Variants in ITK observed in about 807,000 individuals in gnomAD.
ITK encodes the protein IL2 inducible T cell kinase.
A neutral mutation model predicts 87.6 loss-of-function variants in ITK; 45 were observed. The observed-to-expected ratio is 0.51, with a 90% CI of 0.40 to 0.66. ITK has a LOEUF of 0.66. Among genes scored for constraint, ITK ranks in the 30% least tolerant of loss-of-function variants. The probability of loss-of-function intolerance (pLI) is 0.00; values close to 1 mark genes in which losing one functional copy is unlikely to be tolerated. For synonymous variants in ITK, 303 were observed against 273.6 expected, an observed-to-expected ratio of 1.11 and a Z score of -1.06; for missense variants, 605 against 766.3, an observed-to-expected ratio of 0.79 and a Z score of 2.48.
At chr5:157,244,200 T>C in intron 12 of ITK, 62 bp from the exon 13 acceptor site, 1 of 1,297,150 alleles carries the variant, frequency 7.7e-7, no homozygotes, top group South Asian at 1.2e-5. Context: ...GGTACCATAA[T>C]ATTTTCGGCA....
rs1336022439 is a variant in ITK, at chr5:157,236,270, A to G, written c.769-1839A>G. ...GGCACCTGTAATTCCAGCTACTTGGAAAGTTGAAGGAAGACAGTCACTTGA... is the reference window on the plus strand; with the variant it reads ...GGCACCTGTAATTCCAGCTACTTGGGAAGTTGAAGGAAGACAGTCACTTGA... On this transcript the variant is annotated intron_variant, in intron 8 of 16. Transcript: ENST00000422843. Among the ~76,000 whole-genome samples, 3 of 152,060 alleles carry G rather than the reference A, an allele frequency of 2.0e-5. No individual in the cohort carries two copies. The East Asian group carries it at 5.8e-4, about 29-fold the overall frequency.
chr5:157,238,152 G>A lies in ITK; in HGVS notation c.812G>A (p.Gly271Glu), dbSNP rs1255373100. The A allele has an allele frequency of 4.3e-6, 7 of 1,613,838 alleles. No individual in the cohort carries two copies. Among genetic ancestry groups the A allele is most frequent in the Non-Finnish European group, 5.9e-6 (7 of 1,179,858 alleles). ...AFMVRDSRTAGTYTVSVFTKA... is the reference protein window; with the variant it reads ...AFMVRDSRTAETYTVSVFTKA... Reference sequence around the variant, plus strand: ...ATGGTAAGGGATTCCAGGACTGCAGGAACATACACCGTGTCTGTTTTCACC... The same window carrying A: ...ATGGTAAGGGATTCCAGGACTGCAGAAACATACACCGTGTCTGTTTTCACC... The change falls in exon 9 of 17, where the codon GGA becomes GAA. Residue 271 changes from glycine (G) to glutamate (E), a missense_variant. Physicochemically the swap from Gly to Glu is moderately conservative, Grantham distance 98. Transcript: ENST00000422843.
chr5:157,241,576 A>T, intron 10 of ITK, 70 bp from the exon 11 acceptor site: 4 of 1,022,174 alleles, frequency 3.9e-6, no homozygotes, highest in Admixed American at 3.4e-5. Context: ...TATTTTTTTT[A>T]GTGATTTAAG....
At chr5:157,249,934 T>C (rs1012672559) in intron 16 of ITK, among the ~76,000 whole-genome samples, 22 of 152,238 alleles carry the variant, frequency 1.4e-4, no homozygotes, top group African/African-American at 5.3e-4. Flanking sequence ...TTTATTGATT[T>C]TTTTAAATTA....
chr5:157,189,045 C>T (rs1018941232), intron 1 of ITK, among the ~76,000 whole-genome samples: 3 of 152,094 alleles, frequency 2.0e-5, no homozygotes, highest in African/African-American at 7.2e-5. Context: ...ATGTTGCATT[C>T]AGAAAAGCAT....
intron 10 of ITK, chr5:157,240,912 TCTTTCTTTTC>T (rs1754879499): frequency 6.6e-6 from 1 of 151,820 alleles, no homozygotes; most frequent in Non-Finnish European, 1.5e-5. Context: ...TCTTTTCTTT[TCTTTCTTTTC>T]CTTTCTTTTC....
At chr5:157,181,376 T>C (rs1237933149) in intron 1 of ITK, among the ~76,000 whole-genome samples, 4 of 152,208 alleles carry the variant, frequency 2.6e-5, no homozygotes, top group African/African-American at 9.7e-5. Context: ...AGGTTATGTT[T>C]GGTTTTTAAA....
Position 157,231,704 on chromosome 5 carries a change from T to C in ITK, c.714-636T>C, listed in dbSNP as rs73814050. 8.8e-3 allele frequency among the ~76,000 whole-genome samples: 1,304 copies of C among 148,892 alleles called. 32 individuals carry two copies. Among genetic ancestry groups the C allele is most frequent in the African/African-American group, 0.031 (1,256 of 40,758 alleles). ...ATGTGGCTAAATATTGTTAACAACA[T>C]AAAAAAAAAACTTCATCCCTAAAAA... is the stretch of plus-strand genomic sequence containing the variant. On this transcript the variant is annotated intron_variant, in intron 7 of 16. Transcript: ENST00000422843.
At chr5:157,226,994 A>G (rs923072518) in intron 6 of ITK, among the ~76,000 whole-genome samples, 20 of 151,866 alleles carry the variant, frequency 1.3e-4, no homozygotes, top group Non-Finnish European at 4.4e-5. Context: ...TAATTTTTAT[A>G]TATTTTCTAG....
chr5:157,214,776 A>T (rs76999690), intron 4 of ITK, among the ~76,000 whole-genome samples: 1 of 152,202 alleles, frequency 6.6e-6, no homozygotes, highest in Non-Finnish European at 1.5e-5. Flanking sequence ...ATCATGTCAC[A>T]CATAAATTTA....
Position 157,181,083 on chromosome 5 carries a change from G to A in ITK, c.106G>A (p.Ala36Thr), listed in dbSNP as rs778189459. 1 of 1,614,104 alleles carries A rather than the reference G, an allele frequency of 6.2e-7. No individual in the cohort carries two copies. The highest frequency in any genetic ancestry group is 8.5e-7 in the Non-Finnish European group (1 of 1,179,922). The change falls in exon 1 of 17, where the codon GCC becomes ACC. Residue 36 changes from alanine (A) to threonine (T), a missense_variant. Ala to Thr is a moderately conservative substitution (Grantham distance 58). Transcript: ENST00000422843. The stretch of plus-strand genomic sequence containing the variant: ...AGTCCGCTTCTTTGTGTTAACCAAA[G>A]CCAGCCTGGCATACTTTGAAGATCG... ...FKVRFFVLTK[A>T]SLAYFEDRHG...
At chr5:157,193,492 T>C (rs1753790893) in intron 1 of ITK, among the ~76,000 whole-genome samples, 1 of 152,226 alleles carries the variant, frequency 6.6e-6, no homozygotes, top group African/African-American at 2.4e-5. Flanking sequence ...CTGTGTTTCA[T>C]AGCATCAAGG....
intron 11 of ITK, among the ~76,000 whole-genome samples, chr5:157,243,242 G>T (rs923972722): frequency 3.9e-5 from 6 of 152,178 alleles, no homozygotes; most frequent in African/African-American, 1.4e-4. Flanking sequence ...GCCTAATAGG[G>T]TTATGTGTAT....
At chr5:157,243,003 G>C (rs372525068) in intron 11 of ITK, among the ~76,000 whole-genome samples, 3 of 152,154 alleles carry the variant, frequency 2.0e-5, no homozygotes, top group East Asian at 1.9e-4. Flanking sequence ...TGAAAATAAG[G>C]GTATTCTAAT....
intron 1 of ITK, among the ~76,000 whole-genome samples, chr5:157,184,213 G>A (rs1212725072): frequency 6.6e-6 from 1 of 152,184 alleles, no homozygotes; most frequent in African/African-American, 2.4e-5. Flanking sequence ...AAGGGCACAT[G>A]GATGTCCTGG....
Position 157,237,968 on chromosome 5 carries a change from C to T in ITK, c.769-141C>T, listed in dbSNP as rs30117. On this transcript the variant is annotated intron_variant, in intron 8 of 16. Transcript: ENST00000422843. ...TACGGAAGGACAGGAGTAAATGAAA[C>T]GGTAGCCATTCTTACTGAAATCTGC... is the stretch of plus-strand genomic sequence containing the variant. 0.27 allele frequency: 186,085 copies of T among 692,362 alleles called. 27,072 individuals are homozygous for T. The highest frequency in any genetic ancestry group is 0.31 in the Non-Finnish European group (115,147 of 374,252). 42.9% of individuals were successfully genotyped at this position (692,362 alleles called of 1,614,324 possible). A position where few individuals can be genotyped will look rare whatever the true frequency, so the allele number is the denominator to read the frequency against.
intron 5 of ITK, among the ~76,000 whole-genome samples, chr5:157,221,703 G>A (rs35697569): frequency 0.031 from 4,766 of 152,168 alleles, 87 homozygotes; most frequent in Non-Finnish European, 0.051. Flanking sequence ...ACCTGCAGTG[G>A]GATGAATGCC....
At chr5:157,213,469 T>A (rs952123438) in intron 3 of ITK, 6 of 396,220 alleles carry the variant, frequency 1.5e-5, no homozygotes, top group Non-Finnish European at 9.8e-6. Flanking sequence ...CCTCGACCTA[T>A]TGGGCTCAAG....
In ITK at chr5:157,205,973, G is replaced by A. The variant is rs184306414; in HGVS notation, c.139-2916G>A. Among the ~76,000 whole-genome samples, 64 of 136,322 alleles carry A rather than the reference G, an allele frequency of 4.7e-4. 2 individuals carry two copies. The East Asian group carries it at 0.012, about 26-fold the overall frequency. 89.4% of individuals were successfully genotyped at this position (136,322 alleles called of 152,430 possible). On this transcript the variant is annotated intron_variant, in intron 1 of 16. Transcript: ENST00000422843. ...TACTTGATCATGTAAAAAAGGATTA[G>A]CCTTTTTTTTTTTTTTTTTTTTGAG...
Sources: gnomAD v4.1 joint callset for allele counts (sites outside exome capture counted in the v4.1 genomes callset) on GRCh38, gnomAD v4.1.1 for gene constraint, MANE v1.5 for transcripts, NCBI Gene and HGNC (gene_info 2026-07-23, HGNC 2026-07-21) for gene names.